SGCD: variants seen among roughly 807,000 people sequenced by gnomAD.
The protein encoded by SGCD is sarcoglycan delta, also known as delta-sarcoglycan.
Under a neutral mutation model 36.6 loss-of-function variants are expected in SGCD, and 18 were observed. The observed-to-expected ratio is 0.49, with a 90% confidence interval of 0.34 to 0.73. The LOEUF (loss-of-function observed/expected upper bound fraction) is 0.73. Among genes scored for constraint, SGCD ranks in the 30% least tolerant of loss-of-function variants. SGCD has a pLI of 0.01. For synonymous variants in SGCD, 133 were observed against 130.6 expected, an observed-to-expected ratio of 1.02 and a Z score of -0.12; for missense variants, 387 against 346.7, an observed-to-expected ratio of 1.12 and a Z score of -0.92.
intron 3 of SGCD, among the ~76,000 whole-genome samples, chr5:156,137,210 G>T (rs369609776): frequency 1.7e-4 from 26 of 152,302 alleles, no homozygotes; most frequent in Non-Finnish European, 2.4e-4. Context: ...TTTCCCTTAT[G>T]CCCTTTGAGG....
intron 3 of SGCD, among the ~76,000 whole-genome samples, chr5:156,463,483 T>G (rs546224334): frequency 3.4e-4 from 52 of 152,272 alleles, no homozygotes; most frequent in African/African-American, 1.2e-3. Flanking sequence ...AATTTTTTTT[T>G]ACCTGAACTA....
chr5:156,569,546 C>T (rs1456956478), intron 4 of SGCD, among the ~76,000 whole-genome samples: 1 of 151,380 alleles, frequency 6.6e-6, no homozygotes, highest in Non-Finnish European at 1.5e-5. Context: ...GAGCCAAGAT[C>T]GCCCCACTGC....
chr5:156,443,411 C>T (rs1466836068), intron 3 of SGCD, among the ~76,000 whole-genome samples: 7 of 152,252 alleles, frequency 4.6e-5, no homozygotes, highest in African/African-American at 1.2e-4. Flanking sequence ...ACATGAATAG[C>T]AACAGCATCA....
chr5:155,888,574 G>A (rs141746248), intron 1 of SGCD, among the ~76,000 whole-genome samples: 18 of 152,234 alleles, frequency 1.2e-4, no homozygotes, highest in African/African-American at 3.6e-4. Context: ...GTGGATAGTC[G>A]TAGAGAAGTA....
chr5:155,745,892 C>T, the SGCD span, among the ~76,000 whole-genome samples: 1 of 152,172 alleles, frequency 6.6e-6, no homozygotes, highest in Non-Finnish European at 1.5e-5. Context: ...AATGTAAATT[C>T]TCCAACATTT....
intron 3 of SGCD, among the ~76,000 whole-genome samples, chr5:156,459,515 A>G (rs573135357): frequency 1.0e-3 from 155 of 152,310 alleles, no homozygotes; most frequent in Non-Finnish European, 1.8e-3. Context: ...TGGGACTCAG[A>G]AATAGCTCAG....
rs147391606 is a variant in SGCD at position 156,198,274 on chromosome 5, G to T, written c.-44+74255G>T. Among the ~76,000 whole-genome samples the T allele has an allele frequency of 2.8e-3, 431 of 152,196 alleles. 3 individuals are homozygous for T. Among genetic ancestry groups the T allele is most frequent in the African/African-American group, 9.8e-3 (407 of 41,538 alleles). On this transcript the variant is annotated intron_variant, in intron 3 of 9. Coordinates refer to the SGCD transcript ENST00000517913. Reference sequence around the variant, plus strand: ...CTAGGAGTTCTTGGAGCAAGTCCAAGTAAAAACTTGGCCTTGCAAATATGC... The same window carrying T: ...CTAGGAGTTCTTGGAGCAAGTCCAATTAAAAACTTGGCCTTGCAAATATGC...
the SGCD span, among the ~76,000 whole-genome samples, chr5:155,768,283 GTTGT>G: frequency 9.3e-5 from 10 of 107,050 alleles, no homozygotes; most frequent in African/African-American, 3.2e-4. Context: ...TGTTGTTGTT[GTTGT>G]TTTAGTTTTT....
the SGCD span, among the ~76,000 whole-genome samples, chr5:155,787,173 C>A: frequency 6.6e-6 from 1 of 152,262 alleles, no homozygotes; most frequent in Non-Finnish European, 1.5e-5. Context: ...CAGCACATCT[C>A]TTCTTTTAGG....
intron 3 of SGCD, among the ~76,000 whole-genome samples, chr5:156,478,042 C>T (rs1202606409): frequency 6.6e-6 from 1 of 151,888 alleles, no homozygotes; most frequent in African/African-American, 2.4e-5. Flanking sequence ...AGAGGGGGAG[C>T]ATTGGTCAGT....
At position 156,088,160 on chromosome 5, in the gene SGCD, C is replaced by A. The variant is rs112365054; in HGVS notation, c.-281-29718C>A. On this transcript the variant is annotated intron_variant, in intron 1 of 9. Coordinates refer to the SGCD transcript ENST00000517913. ...GGGGCTATCTGACTTAAGTGTCCTGCTGATTTGTCATCCATATAAAGCTTT... is the reference window on the plus strand; with the variant it reads ...GGGGCTATCTGACTTAAGTGTCCTGATGATTTGTCATCCATATAAAGCTTT... Among the ~76,000 whole-genome samples the A allele has an allele frequency of 6.3e-3, 966 of 152,208 alleles. 5 individuals are homozygous for A. Among genetic ancestry groups the A allele is most frequent in the African/African-American group, 0.022 (913 of 41,536 alleles).
chr5:155,868,360 CTTT>C (rs10532701), upstream of SGCD, among the ~76,000 whole-genome samples: 4,547 of 110,630 alleles, frequency 0.041, 88 homozygotes, highest in Non-Finnish European at 0.045. Flanking sequence ...CCCTTTTTTT[CTTT>C]TTTTTTTTTT....
intron 6 of SGCD, among the ~76,000 whole-genome samples, chr5:156,644,219 T>C (rs1278539648): frequency 6.6e-6 from 1 of 152,212 alleles, no homozygotes; most frequent in Non-Finnish European, 1.5e-5. Context: ...GGATGCTATT[T>C]GCTGTCCTAG....
intron 3 of SGCD, among the ~76,000 whole-genome samples, chr5:156,377,160 A>T (rs2127744601): frequency 6.6e-6 from 1 of 152,330 alleles, no homozygotes; most frequent in South Asian, 2.1e-4. Flanking sequence ...TTACTATTTA[A>T]TTAAACTTTA....
intron 3 of SGCD, among the ~76,000 whole-genome samples, chr5:156,307,568 T>G (rs1027787549): frequency 3.4e-5 from 5 of 148,612 alleles, no homozygotes; most frequent in South Asian, 2.1e-4. Flanking sequence ...TTTTTTTTTT[T>G]TTTTTTTTTT....
At chr5:156,337,883 A>T (rs1218731617) in intron 2 of SGCD, among the ~76,000 whole-genome samples, 2 of 152,128 alleles carry the variant, frequency 1.3e-5, no homozygotes, top group African/African-American at 2.4e-5. Context: ...TTTGTAAGTC[A>T]ACTCTGTACT....
intron 4 of SGCD, among the ~76,000 whole-genome samples, chr5:156,510,057 C>A (rs1191436722): frequency 6.6e-6 from 1 of 152,134 alleles, no homozygotes; most frequent in Non-Finnish European, 1.5e-5. Flanking sequence ...GAATGTTATA[C>A]AAAATCTTGA....
intron 3 of SGCD, among the ~76,000 whole-genome samples, chr5:156,392,848 G>A (rs2127756269): frequency 6.6e-6 from 1 of 152,244 alleles, no homozygotes; most frequent in East Asian, 1.9e-4. Context: ...GCATGCTGGT[G>A]CCTGTCAGTG....
At chr5:156,530,119 C>T (rs997432071) in intron 4 of SGCD, among the ~76,000 whole-genome samples, 1 of 152,144 alleles carries the variant, frequency 6.6e-6, no homozygotes, top group Non-Finnish European at 1.5e-5. Context: ...TTCTCAACCT[C>T]GTAAGCCACA....
Sources: gnomAD v4.1 joint callset for allele counts (sites outside exome capture counted in the v4.1 genomes callset) on GRCh38, gnomAD v4.1.1 for gene constraint, MANE v1.5 for transcripts, NCBI Gene and HGNC (gene_info 2026-07-23, HGNC 2026-07-21) for gene names.